N4BP2: variants seen among roughly 807,000 people sequenced by gnomAD.
N4BP2 encodes the protein NEDD4-binding protein 2.
N4BP2 carries 91 observed loss-of-function variants against 152.8 expected under a neutral mutation model. That is an observed-to-expected ratio of 0.60 (90% CI 0.50 to 0.71). The LOEUF (loss-of-function observed/expected upper bound fraction) is 0.71. N4BP2 is among the 30% of genes least tolerant of loss of function. N4BP2 has a pLI of 0.00. For synonymous variants in N4BP2, 646 were observed against 705.3 expected (o/e 0.92, Z 1.33); for missense variants, 1,923 against 2,059.1 (o/e 0.93, Z 1.28).
At chr4:40,148,125 G>A (rs968313026) in intron 16 of N4BP2, among the ~76,000 whole-genome samples, 2 of 152,202 alleles carry the variant, frequency 1.3e-5, no homozygotes, top group Non-Finnish European at 1.5e-5. Context: ...GTTGTAGCGA[G>A]CCGAGATCAC....
rs1721742767 is a variant in N4BP2 at position 40,158,109 on chromosome 4, T to C, written c.*3872T>C. On this transcript the variant is annotated 3_prime_UTR_variant, in exon 18 of 18. Coordinates refer to ENST00000261435, the MANE Select transcript of N4BP2 (RefSeq NM_018177.6). ...TCAGACAGTATATCAGAAAAATGTT[T>C]TTATTTGTACTGTATAGAAAATGTA... 1 of 152,214 alleles carries C rather than the reference T, an allele frequency of 6.6e-6. No individual in the cohort carries two copies. Among genetic ancestry groups the C allele is most frequent in the Non-Finnish European group, 1.5e-5 (1 of 68,032 alleles). The allele number at this position is 152,214 out of a possible 1,614,324, so 9.4% of individuals were successfully genotyped here.
chr4:40,101,191 C>G (rs1226989601), intron 3 of N4BP2, among the ~76,000 whole-genome samples: 1 of 152,152 alleles, frequency 6.6e-6, no homozygotes. Flanking sequence ...GAGTCTCGCT[C>G]TGTCACCAAG....
At chr4:40,066,594 A>G (rs1711547534) in intron 1 of N4BP2, among the ~76,000 whole-genome samples, 1 of 152,108 alleles carries the variant, frequency 6.6e-6, no homozygotes, top group Non-Finnish European at 1.5e-5. Context: ...TGCTGGGATT[A>G]CAGGTGTGAG....
At chr4:40,184,212 C>G in the N4BP2 span, among the ~76,000 whole-genome samples, 1 of 152,152 alleles carries the variant, frequency 6.6e-6, no homozygotes, top group Admixed American at 6.5e-5. Flanking sequence ...ACTGTGGAGA[C>G]AAAGAAAACC....
Position 40,156,469 on chromosome 4 carries a change from G to A in N4BP2, c.*2232G>A, listed in dbSNP as rs192335864. 5.3e-5 allele frequency: 8 copies of A among 152,210 alleles called. No homozygotes were observed. Among genetic ancestry groups the A allele is most frequent in the Admixed American group, 4.6e-4 (7 of 15,292 alleles). 9.4% of individuals were successfully genotyped at this position (152,210 alleles called of 1,614,324 possible). A position where few individuals can be genotyped will look rare whatever the true frequency, so the allele number is the denominator to read the frequency against. On this transcript the variant is annotated 3_prime_UTR_variant, in exon 18 of 18. Transcript: ENST00000261435. ...TACAGGCAAAGTTTGAGCATCATAT[G>A]TATTTTTATGAAGCTGCTTAATTCC...
chr4:40,170,185 T>C, the N4BP2 span, among the ~76,000 whole-genome samples: 2 of 152,198 alleles, frequency 1.3e-5, no homozygotes, highest in African/African-American at 2.4e-5. Context: ...TTTCAAGATA[T>C]ATACCCTTAA....
chr4:40,136,678 G>A (rs1486218608), intron 13 of N4BP2, among the ~76,000 whole-genome samples: 1 of 152,216 alleles, frequency 6.6e-6, no homozygotes, highest in Non-Finnish European at 1.5e-5. Flanking sequence ...GTGAGCTACT[G>A]TGCCTGGCTG....
rs532997606 is a variant in N4BP2 at position 40,077,130 on chromosome 4, A to T, written c.-115+3579A>T. 5.2e-4 allele frequency among the ~76,000 whole-genome samples: 78 copies of T among 151,266 alleles called. 1 individual carries two copies. The highest frequency in any genetic ancestry group is 8.7e-4 in the Non-Finnish European group (59 of 67,838). On this transcript the variant is annotated intron_variant, in intron 2 of 17. Transcript: ENST00000261435. Reference sequence around the variant, plus strand: ...TTCTAGTTGGTCGATATTGAATATTATGTAGAATATATATGTGTGTGTGTG... The same window carrying T: ...TTCTAGTTGGTCGATATTGAATATTTTGTAGAATATATATGTGTGTGTGTG...
chr4:40,077,032 G>T (rs920784875), intron 2 of N4BP2, among the ~76,000 whole-genome samples: 3 of 151,462 alleles, frequency 2.0e-5, no homozygotes, highest in Non-Finnish European at 4.4e-5. Context: ...GATTTTTTTT[G>T]TTTGTTTCTT....
intron 16 of N4BP2, among the ~76,000 whole-genome samples, chr4:40,146,607 G>T (rs544575261): frequency 6.6e-6 from 1 of 152,282 alleles, no homozygotes; most frequent in African/African-American, 2.4e-5. Flanking sequence ...ACATTGTAAA[G>T]TGATTACCAC....
chr4:40,134,350 A>G (rs544930277), intron 13 of N4BP2, among the ~76,000 whole-genome samples: 1 of 150,976 alleles, frequency 6.6e-6, no homozygotes, highest in African/African-American at 2.4e-5. Flanking sequence ...GAAATAGCTC[A>G]GAGTTGTGCT....
At chr4:40,160,296 G>C (rs1248245567), downstream of N4BP2, among the ~76,000 whole-genome samples, 2 of 152,220 alleles carry the variant, frequency 1.3e-5, no homozygotes, top group African/African-American at 4.8e-5. Flanking sequence ...TATATGTACA[G>C]ATGGTCTCCC....
Position 40,097,320 on chromosome 4 carries a change from A to G in N4BP2, c.-21A>G. On this transcript the variant is annotated 5_prime_UTR_variant, in exon 3 of 18. Transcript: ENST00000261435. ...ACATCTTAACTAAGAAAAGGGAAAC[A>G]TTTTAGTTTTGGAAGTCAGAATGCC... 2 of 1,595,998 alleles carry G rather than the reference A, an allele frequency of 1.3e-6. No homozygotes were observed. Among genetic ancestry groups the G allele is most frequent in the African/African-American group, 2.7e-5 (2 of 74,586 alleles).
At chr4:40,080,482 A>G (rs1180240811) in intron 2 of N4BP2, among the ~76,000 whole-genome samples, 1 of 151,216 alleles carries the variant, frequency 6.6e-6, no homozygotes, top group African/African-American at 2.4e-5. Context: ...GACTACAGGT[A>G]CGTGCCACCA....
intron 8 of N4BP2, among the ~76,000 whole-genome samples, chr4:40,118,668 G>A (rs1444548962): frequency 2.2e-4 from 33 of 152,106 alleles, no homozygotes; most frequent in Admixed American, 2.2e-3. Context: ...TCTTCTCGCT[G>A]TTATTATTTT....
intron 1 of N4BP2, among the ~76,000 whole-genome samples, chr4:40,062,239 C>T (rs1040481283): frequency 1.2e-4 from 18 of 151,814 alleles, no homozygotes; most frequent in African/African-American, 2.2e-4. Flanking sequence ...CCACCACGCC[C>T]GGCTAATTTT....
chr4:40,173,667 G>C, the N4BP2 span, among the ~76,000 whole-genome samples: 48 of 152,300 alleles, frequency 3.2e-4, no homozygotes, highest in East Asian at 7.3e-3. Flanking sequence ...ACAGTCAGTG[G>C]ATATACACCA....
intron 13 of N4BP2, among the ~76,000 whole-genome samples, chr4:40,135,407 A>G (rs1442842017): frequency 6.6e-6 from 1 of 151,790 alleles, no homozygotes; most frequent in Non-Finnish European, 1.5e-5. Context: ...TGCAATAAAC[A>G]TACGTGTGCA....
In N4BP2 at chr4:40,080,310, G is replaced by GTATATATATATA. The variant is rs140955860; in HGVS notation, c.-115+6764_-115+6775dup. Among the ~76,000 whole-genome samples the GTATATATATATA allele has an allele frequency of 7.3e-3, 1,077 of 147,090 alleles. 21 individuals are homozygous for GTATATATATATA. The highest frequency in any genetic ancestry group is 0.025 in the African/African-American group (1,008 of 40,032). On this transcript the variant is annotated intron_variant, in intron 2 of 17. Transcript: ENST00000261435. ...AGGTGATTGGGAGATAGTGTGAGCT[G>GTATATATATATA]TATATATATATATATACACACACAC...
Sources: allele counts gnomAD v4.1 joint callset (sites outside exome capture counted in the v4.1 genomes callset), GRCh38; gene constraint gnomAD v4.1.1; transcripts MANE v1.5; gene names NCBI Gene and HGNC (gene_info 2026-07-23, HGNC 2026-07-21).